Variants in IMMP2L observed in about 807,000 individuals in gnomAD.
The protein encoded by IMMP2L is mitochondrial inner membrane protease subunit 2.
In IMMP2L, 18 loss-of-function variants were observed where a neutral mutation model predicts 19.3. The observed-to-expected ratio is 0.93, with a 90% CI of 0.64 to 1.38. The LOEUF is 1.38. IMMP2L is among the 40% of genes most tolerant of loss of function. The pLI, the probability that IMMP2L is intolerant of heterozygous loss-of-function variation, is 0.00. For synonymous variants in IMMP2L, 76 were observed against 73.0 expected (o/e 1.04, Z -0.21); for missense variants, 233 against 218.2 (o/e 1.07, Z -0.43).
chr7:110,818,881 A>G (rs1365350556), intron 5 of IMMP2L, among the ~76,000 whole-genome samples: 1 of 145,416 alleles, frequency 6.9e-6, no homozygotes, highest in Non-Finnish European at 1.5e-5. Flanking sequence ...AACACCGCAT[A>G]TTCTCACTCA....
chr7:111,361,943 A>C (rs1829298289), intron 3 of IMMP2L, among the ~76,000 whole-genome samples: 1 of 152,132 alleles, frequency 6.6e-6, no homozygotes, highest in South Asian at 2.1e-4. Flanking sequence ...TCCTAAAAGA[A>C]TTTTCTAAAA....
chr7:111,519,124 T>C (rs1461995970), intron 2 of IMMP2L, among the ~76,000 whole-genome samples: 1 of 152,102 alleles, frequency 6.6e-6, no homozygotes, highest in Non-Finnish European at 1.5e-5. Context: ...TATTCCACAC[T>C]GAAATCAAGG....
At chr7:110,680,003 C>T (rs62463972) in intron 5 of IMMP2L, among the ~76,000 whole-genome samples, 5,914 of 152,182 alleles carry the variant, frequency 0.039, 233 homozygotes, top group African/African-American at 0.1. Flanking sequence ...GGGTCTAGTA[C>T]AGGACACTCT....
At chr7:111,015,495 A>C (rs2129564512) in intron 3 of IMMP2L, among the ~76,000 whole-genome samples, 1 of 152,280 alleles carries the variant, frequency 6.6e-6, no homozygotes, top group Middle Eastern at 3.4e-3. Flanking sequence ...AACAACGTGA[A>C]TATACTTAAC....
At chr7:111,206,522 A>G (rs1182441774) in intron 3 of IMMP2L, among the ~76,000 whole-genome samples, 7 of 152,108 alleles carry the variant, frequency 4.6e-5, no homozygotes, top group Non-Finnish European at 8.8e-5. Context: ...TTGTGGGTAC[A>G]TAGTAGCTGT....
chr7:111,055,103 T>C (rs893819525), intron 3 of IMMP2L, among the ~76,000 whole-genome samples: 1 of 149,018 alleles, frequency 6.7e-6, no homozygotes, highest in Non-Finnish European at 1.5e-5. Flanking sequence ...CAGGCTGGAG[T>C]GCAGTGGTGC....
At chr7:110,812,830 T>C (rs954890840) in intron 5 of IMMP2L, among the ~76,000 whole-genome samples, 2 of 152,034 alleles carry the variant, frequency 1.3e-5, no homozygotes, top group African/African-American at 4.8e-5. Flanking sequence ...TCACCTAAAA[T>C]TCCATGTATA....
At chr7:111,131,664 T>C (rs1014557729) in intron 3 of IMMP2L, among the ~76,000 whole-genome samples, 3 of 151,954 alleles carry the variant, frequency 2.0e-5, no homozygotes, top group Non-Finnish European at 4.4e-5. Context: ...GTAATATATA[T>C]TACATATAAA....
intron 3 of IMMP2L, among the ~76,000 whole-genome samples, chr7:111,103,160 T>G (rs1219435613): frequency 6.6e-6 from 1 of 151,614 alleles, no homozygotes; most frequent in Non-Finnish European, 1.5e-5. Flanking sequence ...TCCTGCAAAA[T>G]GTAACTATAT....
chr7:111,229,460 A>T (rs1320920057), intron 3 of IMMP2L, among the ~76,000 whole-genome samples: 2 of 151,988 alleles, frequency 1.3e-5, no homozygotes, highest in African/African-American at 4.8e-5. Flanking sequence ...TTAGGGTTGA[A>T]ATTATCCCTG....
chr7:111,552,905 T>C (rs918565907), intron 1 of IMMP2L, among the ~76,000 whole-genome samples: 3 of 152,126 alleles, frequency 2.0e-5, no homozygotes, highest in East Asian at 1.9e-4. Context: ...CTCATGAGAA[T>C]AGTCCCACGG....
chr7:111,392,425 T>C (rs1832449953), intron 3 of IMMP2L, among the ~76,000 whole-genome samples: 1 of 152,188 alleles, frequency 6.6e-6, no homozygotes, highest in African/African-American at 2.4e-5. Flanking sequence ...TAGCTACAAC[T>C]GAACACACTT....
intron 3 of IMMP2L, among the ~76,000 whole-genome samples, chr7:111,233,518 A>G (rs1274290090): frequency 6.6e-6 from 1 of 152,126 alleles, no homozygotes; most frequent in Non-Finnish European, 1.5e-5. Flanking sequence ...AATGAAAAAG[A>G]TAATCGTAAC....
chr7:111,280,936 G>T (rs1188086518), intron 3 of IMMP2L, among the ~76,000 whole-genome samples: 2 of 151,854 alleles, frequency 1.3e-5, no homozygotes, highest in Non-Finnish European at 2.9e-5. Context: ...CAGGCGTGGT[G>T]GCAGGCGCCT....
chr7:111,491,942 T>G (rs1458620780), intron 2 of IMMP2L, among the ~76,000 whole-genome samples: 1 of 152,014 alleles, frequency 6.6e-6, no homozygotes, highest in African/African-American at 2.4e-5. Context: ...AAAAGGTGAT[T>G]TAATTATTTC....
rs527570857 is a variant in IMMP2L, at chr7:111,521,236, T to C, written c.135+77A>G. On this transcript the variant is annotated intron_variant, in intron 2 of 5. Transcript: ENST00000405709. ...CTTTCAGTTCCCAGAATAGGAATAA[T>C]AATTAGCACTCTCATTTCTAGTGCT... 2.1e-6 allele frequency: 3 copies of C among 1,418,756 alleles called. No individual in the cohort carries two copies. The African/African-American group carries it at 4.3e-5, about 20-fold the overall frequency. 87.9% of individuals were successfully genotyped at this position (1,418,756 alleles called of 1,614,324 possible).
intron 3 of IMMP2L, among the ~76,000 whole-genome samples, chr7:111,011,187 T>A (rs1255581407): frequency 6.6e-6 from 1 of 151,988 alleles, no homozygotes; most frequent in Non-Finnish European, 1.5e-5. Context: ...TAGTTGCCAG[T>A]GGAAAGAGAG....
intron 3 of IMMP2L, among the ~76,000 whole-genome samples, chr7:111,480,756 G>C (rs1469395634): frequency 1.3e-5 from 2 of 151,986 alleles, no homozygotes; most frequent in Admixed American, 1.3e-4. Context: ...TAAAAATTGG[G>C]AATGAGTACA....
chr7:110,669,034 TGTGTGTGTGTGTGTGTGC>T (rs879598622), intron 5 of IMMP2L, among the ~76,000 whole-genome samples: 4,423 of 33,636 alleles, frequency 0.13, 100 homozygotes, highest in Middle Eastern at 0.18. Context: ...AGTATGTGTG[TGTGTGTGTGTGTGTGTGC>T]GTGTGTGTGT....
Sources: allele counts gnomAD v4.1 joint callset (sites outside exome capture counted in the v4.1 genomes callset), GRCh38; gene constraint gnomAD v4.1.1; transcripts MANE v1.5; gene names NCBI Gene and HGNC (gene_info 2026-07-23, HGNC 2026-07-21).